The following MYRIP variants were observed in gnomAD, a reference collection of about 807,000 sequenced individuals.
MYRIP encodes rab effector MyRIP.
A neutral mutation model predicts 98.0 loss-of-function variants in MYRIP; 49 were observed. The observed-to-expected ratio is 0.50, with a 90% CI of 0.40 to 0.63. MYRIP has a LOEUF of 0.63. MYRIP is among the 30% of genes least tolerant of loss of function. The pLI, the probability that MYRIP is intolerant of heterozygous loss-of-function variation, is 0.00. For missense variants in MYRIP, 1,004 were observed against 1,058.2 expected (o/e 0.95, Z 0.71); for synonymous variants, 404 against 409.5 (o/e 0.99, Z 0.16).
At chr3:39,854,317 T>A (rs35134407) in intron 1 of MYRIP, among the ~76,000 whole-genome samples, 48,535 of 152,012 alleles carry the variant, frequency 0.32, 7,905 homozygotes, top group Middle Eastern at 0.46. Context: ...TAATCTCAAC[T>A]TTTTTGGAGG....
At position 40,258,449 on chromosome 3, in the gene MYRIP, T is replaced by C. The variant is rs1953669378; in HGVS notation, c.*283T>C. 1 of 401,196 alleles carries C rather than the reference T, an allele frequency of 2.5e-6. No homozygotes were observed. Among genetic ancestry groups the C allele is most frequent in the African/African-American group, 2.0e-5 (1 of 51,018 alleles). 24.9% of individuals were successfully genotyped at this position (401,196 alleles called of 1,614,324 possible). ...AGCAGCGCTCCATGTTTAAGATACA[T>C]ATTTTCCCTGTTTGCTTTGCTACTG... On this transcript the variant is annotated 3_prime_UTR_variant, in exon 17 of 17. Transcript: ENST00000302541.
intron 1 of MYRIP, among the ~76,000 whole-genome samples, chr3:39,858,827 A>AC (rs2125615347): frequency 6.6e-6 from 1 of 152,198 alleles, no homozygotes; most frequent in African/African-American, 2.4e-5. Flanking sequence ...ATTTTTAAAT[A>AC]CCTTGAGAGA....
intron 8 of MYRIP, among the ~76,000 whole-genome samples, chr3:40,176,218 G>C (rs1192370946): frequency 1.3e-5 from 2 of 152,140 alleles, no homozygotes; most frequent in Non-Finnish European, 2.9e-5. Flanking sequence ...AGGCTGCACT[G>C]TTCAGTATGG....
At chr3:39,840,997 A>T (rs190681836) in intron 1 of MYRIP, among the ~76,000 whole-genome samples, 1 of 152,112 alleles carries the variant, frequency 6.6e-6, no homozygotes, top group Non-Finnish European at 1.5e-5. Flanking sequence ...CCTGAATTTG[A>T]ATGTTGGCCT....
chr3:39,830,789 T>C (rs1017126342), intron 1 of MYRIP, among the ~76,000 whole-genome samples: 1 of 152,092 alleles, frequency 6.6e-6, no homozygotes, highest in Non-Finnish European at 1.5e-5. Context: ...TTACTTCCAC[T>C]CCGAGCTATG....
chr3:40,063,600 T>C (rs1237140499), intron 3 of MYRIP, among the ~76,000 whole-genome samples: 1 of 152,204 alleles, frequency 6.6e-6, no homozygotes, highest in African/African-American at 2.4e-5. Flanking sequence ...TGTTGGTCTG[T>C]GTTTTACTTG....
chr3:39,979,474 AC>A (rs1945831676), intron 2 of MYRIP, among the ~76,000 whole-genome samples: 1 of 152,038 alleles, frequency 6.6e-6, no homozygotes, highest in African/African-American at 2.4e-5. Flanking sequence ...CCCCGTCTCT[AC>A]TAAAAGTACA....
intron 10 of MYRIP, among the ~76,000 whole-genome samples, chr3:40,192,942 G>A (rs916865446): frequency 9.9e-5 from 15 of 152,248 alleles, no homozygotes; most frequent in African/African-American, 3.6e-4. Context: ...TCCCTGGGAG[G>A]GGCCTGTAGT....
At chr3:40,214,378 A>G (rs1952053916) in intron 11 of MYRIP, among the ~76,000 whole-genome samples, 1 of 152,206 alleles carries the variant, frequency 6.6e-6, no homozygotes, top group African/African-American at 2.4e-5. Context: ...TGGCAGCTCA[A>G]TGTCCTCAGT....
At chr3:39,986,085 G>A (rs1229641662) in intron 2 of MYRIP, among the ~76,000 whole-genome samples, 2 of 152,190 alleles carry the variant, frequency 1.3e-5, no homozygotes, top group Non-Finnish European at 2.9e-5. Flanking sequence ...TTTTTAAACA[G>A]AAGTTTCTCA....
At position 40,252,969 on chromosome 3, in the gene MYRIP, A is replaced by G. The variant is rs548055173; in HGVS notation, c.2547+970A>G. On this transcript the variant is annotated intron_variant, in intron 16 of 16. Coordinates refer to ENST00000302541, the MANE Select transcript of MYRIP (RefSeq NM_015460.4). Reference sequence around the variant, plus strand: ...CAGCTAACTATCTTAAATTCTAATCAGTCTACTGAACTCCTAACATCACAT... The same window carrying G: ...CAGCTAACTATCTTAAATTCTAATCGGTCTACTGAACTCCTAACATCACAT... Among the ~76,000 whole-genome samples, 7 of 152,344 alleles carry G rather than the reference A, an allele frequency of 4.6e-5. No homozygotes were observed. The South Asian group carries it at 1.4e-3, about 32-fold the overall frequency.
At chr3:39,820,500 T>A (rs571243600) in intron 1 of MYRIP, among the ~76,000 whole-genome samples, 1 of 152,224 alleles carries the variant, frequency 6.6e-6, no homozygotes, top group Non-Finnish European at 1.5e-5. Flanking sequence ...ATTTTCCCTA[T>A]GTAGCTCCAG....
chr3:40,089,229 G>A (rs1289127184), intron 3 of MYRIP, among the ~76,000 whole-genome samples: 1 of 152,190 alleles, frequency 6.6e-6, no homozygotes, highest in African/African-American at 2.4e-5. Flanking sequence ...GTAGGTATCT[G>A]ACTGCCAACT....
intron 2 of MYRIP, among the ~76,000 whole-genome samples, chr3:39,913,032 T>C (rs551069275): frequency 7.9e-6 from 1 of 126,598 alleles, no homozygotes; most frequent in Admixed American, 7.8e-5. Flanking sequence ...AGAGCAAGAC[T>C]CCATCTTAAA....
chr3:40,245,859 G>C (rs1299943529), intron 13 of MYRIP, among the ~76,000 whole-genome samples: 1 of 141,856 alleles, frequency 7.0e-6, no homozygotes, highest in Middle Eastern at 3.7e-3. Flanking sequence ...GCAATTCCCC[G>C]CCTCAGCCTC....
chr3:39,872,797 T>C (rs531474233), intron 1 of MYRIP, among the ~76,000 whole-genome samples: 3 of 152,356 alleles, frequency 2.0e-5, no homozygotes, highest in East Asian at 3.9e-4. Context: ...GCAATAAATA[T>C]ACGTCTGTAT....
At chr3:39,866,215 A>G (rs1942616528) in intron 1 of MYRIP, among the ~76,000 whole-genome samples, 1 of 152,134 alleles carries the variant, frequency 6.6e-6, no homozygotes, top group Non-Finnish European at 1.5e-5. Context: ...TTTAAAAAAA[A>G]AATCTAGCTA....
At chr3:40,241,381 A>G (rs1953010150) in intron 12 of MYRIP, among the ~76,000 whole-genome samples, 1 of 152,226 alleles carries the variant, frequency 6.6e-6, no homozygotes, top group Non-Finnish European at 1.5e-5. Context: ...AGGATGTAGC[A>G]CTAGAACTTG....
chr3:40,033,159 T>C (rs77159081), intron 2 of MYRIP, among the ~76,000 whole-genome samples: 37,356 of 131,214 alleles, frequency 0.28, 5,913 homozygotes, highest in Middle Eastern at 0.33. Flanking sequence ...AAAACTGGCA[T>C]AAGACAGGGA....
Sources: allele counts gnomAD v4.1 joint callset (sites outside exome capture counted in the v4.1 genomes callset), GRCh38; gene constraint gnomAD v4.1.1; transcripts MANE v1.5; gene names NCBI Gene and HGNC (gene_info 2026-07-23, HGNC 2026-07-21).